Variants in CDK14 observed in about 807,000 individuals in gnomAD.
CDK14 encodes the protein cyclin-dependent kinase 14.
A neutral mutation model predicts 60.7 loss-of-function variants in CDK14; 34 were observed. That is an observed-to-expected ratio of 0.56 (90% CI 0.43 to 0.75). The LOEUF (loss-of-function observed/expected upper bound fraction) is 0.75, where lower values mean the gene tolerates loss of function less well. Among genes scored for constraint, CDK14 ranks in the 30% least tolerant of loss-of-function variants. The pLI is 0.00. For missense variants in CDK14, 482 were observed against 564.1 expected, an observed-to-expected ratio of 0.85 and a Z score of 1.47; for synonymous variants, 197 against 203.7, an observed-to-expected ratio of 0.97 and a Z score of 0.28.
intron 2 of CDK14, among the ~76,000 whole-genome samples, chr7:90,721,773 G>A (rs1330592148): frequency 1.3e-5 from 2 of 152,158 alleles, no homozygotes; most frequent in East Asian, 3.9e-4. Context: ...TGGGTTCTCA[G>A]TGATTTTTTC....
chr7:90,649,436 T>TTTCC (rs1563030216), intron 2 of CDK14, among the ~76,000 whole-genome samples: 3 of 134,688 alleles, frequency 2.2e-5, no homozygotes, highest in Non-Finnish European at 3.2e-5. Context: ...TTTCTTTCTC[T>TTTCC]TTCCTTCCTT....
intron 2 of CDK14, among the ~76,000 whole-genome samples, chr7:90,683,949 C>G (rs914884265): frequency 2.0e-5 from 3 of 149,276 alleles, no homozygotes; most frequent in Admixed American, 6.7e-5. Flanking sequence ...TTCATATATA[C>G]ATTCACATGC....
intron 6 of CDK14, among the ~76,000 whole-genome samples, chr7:90,898,914 A>G (rs1419162646): frequency 6.6e-6 from 1 of 151,910 alleles, no homozygotes; most frequent in Admixed American, 6.6e-5. Flanking sequence ...AATATTTTTT[A>G]TTTGCATTTG....
chr7:91,197,624 C>T (rs957357095), intron 14 of CDK14, among the ~76,000 whole-genome samples: 2 of 152,178 alleles, frequency 1.3e-5, no homozygotes, highest in African/African-American at 4.8e-5. Flanking sequence ...ATCTTCCAAA[C>T]AGAACCTTTC....
chr7:90,701,900 G>A (rs545080564), intron 2 of CDK14, among the ~76,000 whole-genome samples: 14 of 152,292 alleles, frequency 9.2e-5, no homozygotes, highest in Admixed American at 3.3e-4. Flanking sequence ...TGGCTTTAGG[G>A]TCTGAGTTGA....
At position 90,632,799 on chromosome 7, in the gene CDK14, G is replaced by A. The variant is rs111888536; in HGVS notation, c.123+28550G>A. ...GTCACTAGAAACATTGTGAAAATTTGTCTTACAGGCTGGGCACGGTGGCTC... is the reference window on the plus strand; with the variant it reads ...GTCACTAGAAACATTGTGAAAATTTATCTTACAGGCTGGGCACGGTGGCTC... On this transcript the variant is annotated intron_variant, in intron 2 of 14. Transcript: ENST00000380050. 3.2e-3 allele frequency among the ~76,000 whole-genome samples: 486 copies of A among 152,212 alleles called. 6 individuals carry two copies. Among genetic ancestry groups the A allele is most frequent in the African/African-American group, 0.011 (451 of 41,526 alleles).
At chr7:90,856,861 G>T (rs1297432507) in intron 5 of CDK14, among the ~76,000 whole-genome samples, 4 of 152,196 alleles carry the variant, frequency 2.6e-5, no homozygotes, top group South Asian at 4.1e-4. Flanking sequence ...ATATAGTTGG[G>T]TCCTTAGGTT....
At chr7:90,650,360 C>T (rs1800604725) in intron 2 of CDK14, among the ~76,000 whole-genome samples, 1 of 151,928 alleles carries the variant, frequency 6.6e-6, no homozygotes, top group East Asian at 1.9e-4. Context: ...GGATATTAGC[C>T]CTTTGTCAGA....
At chr7:90,628,376 C>T (rs1412638606) in intron 2 of CDK14, among the ~76,000 whole-genome samples, 1 of 152,202 alleles carries the variant, frequency 6.6e-6, no homozygotes, top group Non-Finnish European at 1.5e-5. Flanking sequence ...TCCAGGACTC[C>T]TCAATCACTT....
At chr7:90,940,018 G>A (rs1199806152) in intron 8 of CDK14, among the ~76,000 whole-genome samples, 3 of 152,152 alleles carry the variant, frequency 2.0e-5, no homozygotes, top group Non-Finnish European at 4.4e-5. Context: ...GGGGGATGTA[G>A]GGAGCTGAGA....
At chr7:90,749,314 C>T (rs1803725012) in intron 4 of CDK14, among the ~76,000 whole-genome samples, 1 of 152,082 alleles carries the variant, frequency 6.6e-6, no homozygotes, top group Non-Finnish European at 1.5e-5. Flanking sequence ...CATGCCCAGT[C>T]AGATCTCCAA....
intron 11 of CDK14, among the ~76,000 whole-genome samples, chr7:91,050,226 T>A (rs1417863110): frequency 2.0e-5 from 3 of 152,136 alleles, no homozygotes; most frequent in African/African-American, 7.2e-5. Context: ...GGAGCTGGTT[T>A]ATGTTTTAGT....
At chr7:90,975,639 T>C (rs749367774) in intron 9 of CDK14, among the ~76,000 whole-genome samples, 4 of 152,234 alleles carry the variant, frequency 2.6e-5, no homozygotes, top group Admixed American at 1.3e-4. Context: ...AACTTATTCC[T>C]TCCTTCTGGC....
At chr7:91,047,404 G>A (rs889666829) in intron 11 of CDK14, among the ~76,000 whole-genome samples, 3 of 152,182 alleles carry the variant, frequency 2.0e-5, no homozygotes, top group Non-Finnish European at 2.9e-5. Context: ...ACATACAAAA[G>A]CATTTATTAG....
chr7:90,950,202 G>A (rs1367349774), intron 8 of CDK14, among the ~76,000 whole-genome samples: 1 of 151,984 alleles, frequency 6.6e-6, no homozygotes, highest in African/African-American at 2.4e-5. Context: ...TCAGCCTCTC[G>A]AGTACCTGGG....
rs547773354 is a variant in CDK14, at chr7:90,792,530, T to C, written c.544+1878T>C. Reference sequence around the variant, plus strand: ...GATCCTCCCACTATAAATGAAACCATGTTCTCCCTGTATTAGTAATAGCAG... The same window carrying C: ...GATCCTCCCACTATAAATGAAACCACGTTCTCCCTGTATTAGTAATAGCAG... On this transcript the variant is annotated intron_variant, in intron 5 of 14. Transcript: ENST00000380050. Among the ~76,000 whole-genome samples, 8 of 152,244 alleles carry C rather than the reference T, an allele frequency of 5.3e-5. No homozygotes were observed. The South Asian group carries it at 1.7e-3, about 32-fold the overall frequency.
intron 14 of CDK14, among the ~76,000 whole-genome samples, chr7:91,181,619 T>A (rs997386017): frequency 6.6e-6 from 1 of 152,160 alleles, no homozygotes; most frequent in Admixed American, 6.5e-5. Flanking sequence ...CTGGGGAATC[T>A]TTTTTATAGA....
chr7:90,724,498 T>A (rs1802563383), intron 2 of CDK14, among the ~76,000 whole-genome samples: 1 of 151,708 alleles, frequency 6.6e-6, no homozygotes, highest in African/African-American at 2.4e-5. Flanking sequence ...TTATTTTTTT[T>A]TTAGTATTTT....
chr7:90,969,317 A>G (rs1794850892), intron 9 of CDK14, among the ~76,000 whole-genome samples: 1 of 152,226 alleles, frequency 6.6e-6, no homozygotes, highest in South Asian at 2.1e-4. Context: ...CTGGAACTAA[A>G]TATATCAACT....
Sources: gnomAD v4.1 joint callset for allele counts (sites outside exome capture counted in the v4.1 genomes callset) on GRCh38, gnomAD v4.1.1 for gene constraint, MANE v1.5 for transcripts, NCBI Gene and HGNC (gene_info 2026-07-23, HGNC 2026-07-21) for gene names.